The following GPR139 variants were observed in gnomAD, a reference collection of about 807,000 sequenced individuals.
The protein encoded by GPR139 is probable G protein-coupled receptor 139.
In GPR139, 12 loss-of-function variants were observed where a neutral mutation model predicts 25.8. The observed-to-expected ratio is 0.47, with a 90% CI of 0.30 to 0.75. The LOEUF (loss-of-function observed/expected upper bound fraction) is 0.75, where lower values mean the gene tolerates loss of function less well. Ranked by LOEUF, GPR139 falls within the 30% of genes least tolerant of loss-of-function variation. The pLI, the probability that GPR139 is intolerant of heterozygous loss-of-function variation, is 0.07. For synonymous variants in GPR139, 184 were observed against 179.9 expected (o/e 1.02, Z -0.18); for missense variants, 380 against 450.2 (o/e 0.84, Z 1.41).
At chr16:20,037,768 C>T (rs544364794) in intron 1 of GPR139, among the ~76,000 whole-genome samples, 50 of 152,332 alleles carry the variant, frequency 3.3e-4, no homozygotes, top group African/African-American at 1.1e-3. Flanking sequence ...TGTTTATTTT[C>T]GGTCATAGAA....
rs1403048106 is a variant in GPR139, at chr16:20,031,093, A to G, written c.*642T>C. Among the ~76,000 whole-genome samples, 1 of 152,116 alleles carries G rather than the reference A, an allele frequency of 6.6e-6. No individual in the cohort carries two copies. The highest frequency in any genetic ancestry group is 2.4e-5 in the African/African-American group (1 of 41,412). ...AACTGCCTTTTAGACCCCAGGTTTG[A>G]GGTCACAGCTATGCGGGTTTGGAGA... is the stretch of plus-strand genomic sequence containing the variant. On this transcript the variant is annotated 3_prime_UTR_variant, in exon 2 of 2. Coordinates refer to ENST00000570682, the MANE Select transcript of GPR139 (RefSeq NM_001002911.4).
Position 20,032,601 on chromosome 16 carries a change from G to A in GPR139, c.196C>T (p.Leu66Phe), listed in dbSNP as rs767455957. The A allele has an allele frequency of 4.3e-6, 7 of 1,614,040 alleles. No homozygotes were observed. The highest frequency in any genetic ancestry group is 5.9e-6 in the Non-Finnish European group (7 of 1,179,892). The change falls in exon 2 of 2, where the codon CTC becomes TTC. Residue 66 changes from leucine to phenylalanine, a missense_variant. Physicochemically the swap from Leu to Phe is conservative, Grantham distance 22. Coordinates refer to ENST00000570682, the MANE Select transcript of GPR139 (RefSeq NM_001002911.4). ...ARRQKSSYNY[L>F]LALAAADILV... ...ATGTCGGCAGCAGCGAGTGCCAAGA[G>A]ATAGTTGTAGGAGGACTTCTGTCTT... is the stretch of plus-strand genomic sequence containing the variant.
chr16:20,034,216 CTCTCTCTCAG>C (rs530820331), intron 1 of GPR139, among the ~76,000 whole-genome samples: 460 of 152,288 alleles, frequency 3.0e-3, no homozygotes, highest in Non-Finnish European at 5.3e-3. Flanking sequence ...GAATCCAGAT[CTCTCTCTCAG>C]TCTCTCTCTG....
At chr16:20,058,170 T>A (rs888722350) in intron 1 of GPR139, among the ~76,000 whole-genome samples, 1 of 152,238 alleles carries the variant, frequency 6.6e-6, no homozygotes, top group African/African-American at 2.4e-5. Context: ...CACTCATCCT[T>A]ATTTTACGGA....
intron 1 of GPR139, among the ~76,000 whole-genome samples, chr16:20,060,241 T>G (rs942377171): frequency 2.0e-5 from 3 of 150,286 alleles, no homozygotes; most frequent in African/African-American, 7.3e-5. Flanking sequence ...GGCTGCAGGG[T>G]GTGTGTGTGT....
rs1323835049 is a variant in GPR139, at chr16:20,073,602, G to T, written c.15C>A (p.His5Gln). 6.2e-7 allele frequency: 1 copy of T among 1,608,492 alleles called. No individual in the cohort carries two copies. Among genetic ancestry groups the T allele is most frequent in the East Asian group, 2.2e-5 (1 of 44,664 alleles). The change falls in exon 1 of 2, where the codon CAC becomes CAA. Residue 5 changes from histidine to glutamine, a missense_variant. By Grantham distance (24) the His-to-Gln change is conservative. Coordinates refer to ENST00000570682, the MANE Select transcript of GPR139 (RefSeq NM_001002911.4). This position sits in a 1 kb window ranked among gnomAD's most constrained non-coding sequence, Gnocchi z 4.7. Reference sequence around the variant, plus strand: ...GCGAGCTGTTGGCTGCGAGGTGGGCGTGCGTGTGCTCCATGAGCGCGCCCC... The same window carrying T: ...GCGAGCTGTTGGCTGCGAGGTGGGCTTGCGTGTGCTCCATGAGCGCGCCCC... MEHT[H>Q]AHLAANSSLS...
In GPR139 at chr16:20,073,675, C is replaced by G. The variant is rs1277669266; in HGVS notation, c.-59G>C. The G allele has an allele frequency of 2.5e-5, 38 of 1,491,612 alleles. No homozygotes were observed. Among genetic ancestry groups the G allele is most frequent in the Non-Finnish European group, 3.1e-5 (35 of 1,122,226 alleles). 92.4% of individuals were successfully genotyped at this position (1,491,612 alleles called of 1,614,324 possible). On this transcript the variant is annotated 5_prime_UTR_variant, in exon 1 of 2. Transcript: ENST00000570682. This position sits in a 1 kb window ranked among gnomAD's most constrained non-coding sequence, Gnocchi z 4.7. ...CCCGGCCTGCCAGCCCGACTCTGGT[C>G]GCCGGCTCGGTGGTGGCGGCGGCGG...
At chr16:20,071,458 A>G (rs2057459113) in intron 1 of GPR139, among the ~76,000 whole-genome samples, 1 of 152,180 alleles carries the variant, frequency 6.6e-6, no homozygotes, top group South Asian at 2.1e-4. Context: ...AGCTCCTGGA[A>G]CTCAGAGACT....
In GPR139 at chr16:20,030,255, A is replaced by T. The variant is rs2057282815; in HGVS notation, c.*1480T>A. On this transcript the variant is annotated 3_prime_UTR_variant, in exon 2 of 2. Transcript: ENST00000570682. ...AGTAAAAATCCAGCCTGAGGAACTA[A>T]ATATTCCAGGTGGACTGTCTGCCGT... is the stretch of plus-strand genomic sequence containing the variant. 1.3e-5 allele frequency among the ~76,000 whole-genome samples: 2 copies of T among 152,220 alleles called. No individual in the cohort carries two copies. The highest frequency in any genetic ancestry group is 2.9e-5 in the Non-Finnish European group (2 of 68,024).
intron 1 of GPR139, among the ~76,000 whole-genome samples, chr16:20,045,957 A>C (rs1288151854): frequency 6.6e-6 from 1 of 152,150 alleles, no homozygotes; most frequent in Non-Finnish European, 1.5e-5. Context: ...CGAGGGGACC[A>C]ACAGGAAATC....
intron 1 of GPR139, among the ~76,000 whole-genome samples, chr16:20,042,473 C>G (rs2057339722): frequency 6.6e-6 from 1 of 152,132 alleles, no homozygotes; most frequent in Non-Finnish European, 1.5e-5. Context: ...ACCCTAAGCC[C>G]TCTAGTTGCA....
chr16:20,040,981 C>A (rs1457889658), intron 1 of GPR139, among the ~76,000 whole-genome samples: 1 of 151,472 alleles, frequency 6.6e-6, no homozygotes, highest in African/African-American at 2.4e-5. Flanking sequence ...CCACTTACCC[C>A]TTTCAGTCAC....
intron 1 of GPR139, among the ~76,000 whole-genome samples, chr16:20,066,676 G>A (rs2057435425): frequency 6.6e-6 from 1 of 152,194 alleles, no homozygotes; most frequent in African/African-American, 2.4e-5. Context: ...GGCACTGTGA[G>A]AAGCCTTTGC....
chr16:20,069,066 A>G (rs1278461851), intron 1 of GPR139, among the ~76,000 whole-genome samples: 1 of 152,138 alleles, frequency 6.6e-6, no homozygotes, highest in African/African-American at 2.4e-5. Context: ...CATGAGGAAC[A>G]TTGGGTTGTA....
intron 1 of GPR139, among the ~76,000 whole-genome samples, chr16:20,046,225 A>G (rs2057353986): frequency 6.6e-6 from 1 of 152,266 alleles, no homozygotes; most frequent in South Asian, 2.1e-4. Flanking sequence ...CAAAGGAAGA[A>G]TTAAATAAGA....
In GPR139 at chr16:20,032,722, G is replaced by T; in HGVS notation, c.128-53C>A. Reference sequence around the variant, plus strand: ...CTCTGAAGCAAAGATGACTTCGTTGGCTCCTATGGGGGCCCTAGGCATATG... The same window carrying T: ...CTCTGAAGCAAAGATGACTTCGTTGTCTCCTATGGGGGCCCTAGGCATATG... On this transcript the variant is annotated intron_variant, in intron 1 of 1. Transcript: ENST00000570682. 2.9e-6 allele frequency: 4 copies of T among 1,358,382 alleles called. No individual in the cohort carries two copies. The South Asian group carries it at 4.1e-5, about 14-fold the overall frequency. 84.1% of individuals were successfully genotyped at this position (1,358,382 alleles called of 1,614,324 possible).
intron 1 of GPR139, among the ~76,000 whole-genome samples, chr16:20,064,271 C>T (rs1345845287): frequency 2.0e-5 from 3 of 152,140 alleles, no homozygotes; most frequent in African/African-American, 7.2e-5. Flanking sequence ...GCGGCCATTA[C>T]TGCTTATACC....
At chr16:20,044,295 CTCAA>C (rs1339236518) in intron 1 of GPR139, among the ~76,000 whole-genome samples, 1 of 152,206 alleles carries the variant, frequency 6.6e-6, no homozygotes, top group Non-Finnish European at 1.5e-5. Context: ...ATTTCTCAGA[CTCAA>C]TCAATGAAAA....
At chr16:20,051,062 C>CAAAAAA (rs3041359) in intron 1 of GPR139, among the ~76,000 whole-genome samples, 31,792 of 120,678 alleles carry the variant, frequency 0.26, 4,962 homozygotes, top group African/African-American at 0.39. Flanking sequence ...GACCCTGTTT[C>CAAAAAA]AAAAAAAAAA....
Sources: gnomAD v4.1 joint callset for allele counts (sites outside exome capture counted in the v4.1 genomes callset) on GRCh38, gnomAD v4.1.1 for gene constraint, Gnocchi (gnomAD v3.1) non-coding constraint, MANE v1.5 for transcripts, NCBI Gene and HGNC (gene_info 2026-07-23, HGNC 2026-07-21) for gene names.